The following PADI3 variants were observed in gnomAD, a reference collection of about 807,000 sequenced individuals.
PADI3 encodes peptidyl arginine deiminase 3, also known as protein-arginine deiminase type-3.
PADI3 carries 53 observed loss-of-function variants against 71.5 expected under a neutral mutation model. That is an observed-to-expected ratio of 0.74 (90% CI 0.59 to 0.93). The LOEUF (loss-of-function observed/expected upper bound fraction) is 0.93. Ranked by LOEUF, PADI3 falls within the 40% of genes least tolerant of loss-of-function variation. The probability of loss-of-function intolerance (pLI) is 0.00; values close to 1 mark genes in which losing one functional copy is unlikely to be tolerated. For synonymous variants in PADI3, 361 were observed against 347.5 expected (o/e 1.04, Z -0.43); for missense variants, 821 against 868.0 (o/e 0.95, Z 0.68).
intron 1 of PADI3, among the ~76,000 whole-genome samples, chr1:17,257,284 G>C (rs992007331): frequency 1.3e-5 from 2 of 152,188 alleles, no homozygotes; most frequent in Admixed American, 1.3e-4. Flanking sequence ...TTCCCCTGTG[G>C]GGGGCTGCCC....
intron 2 of PADI3, 87 bp downstream of exon 2, chr1:17,259,845 A>C: frequency 8.3e-7 from 1 of 1,201,086 alleles, no homozygotes; most frequent in Non-Finnish European, 1.2e-6. Context: ...CTTTCTCCAG[A>C]GCGCAGGGCA....
intron 1 of PADI3, among the ~76,000 whole-genome samples, chr1:17,256,243 T>C (rs1292194877): frequency 6.6e-6 from 1 of 152,214 alleles, no homozygotes; most frequent in African/African-American, 2.4e-5. Flanking sequence ...CTGTCTATTA[T>C]CACACTTGAG....
chr1:17,265,545 G>T (rs2073156518), intron 3 of PADI3, 114 bp from the exon 4 acceptor site: 2 of 896,424 alleles, frequency 2.2e-6, no homozygotes, highest in East Asian at 2.4e-5. Context: ...CTCTTGGATG[G>T]TGTCTCCTTA....
intron 3 of PADI3, among the ~76,000 whole-genome samples, chr1:17,264,459 A>T (rs1051981784): frequency 6.6e-6 from 1 of 151,982 alleles, no homozygotes; most frequent in African/African-American, 2.4e-5. Context: ...GTCCCCCTCA[A>T]TGTCCGTCTC....
At chr1:17,274,958 C>T (rs2073307942) in intron 11 of PADI3, among the ~76,000 whole-genome samples, 172 bp downstream of exon 11, 2 of 152,112 alleles carry the variant, frequency 1.3e-5, no homozygotes, top group Non-Finnish European at 2.9e-5. Context: ...ACACAGTCCA[C>T]ACTTACCTCG....
At chr1:17,272,251 G>A (rs1038269014) in intron 9 of PADI3, among the ~76,000 whole-genome samples, 5 of 152,124 alleles carry the variant, frequency 3.3e-5, no homozygotes, top group Admixed American at 3.3e-4. Context: ...TGGGAGGCAG[G>A]AGAGAGAACC....
At chr1:17,281,596 G>A (rs918435795) in intron 15 of PADI3, among the ~76,000 whole-genome samples, 7 of 152,172 alleles carry the variant, frequency 4.6e-5, no homozygotes, top group South Asian at 2.1e-4. Flanking sequence ...GGGATTGCAG[G>A]CGTGCACCAC....
At chr1:17,280,580 C>A in intron 14 of PADI3, 91 bp from the exon 15 acceptor site, 2 of 1,583,806 alleles carry the variant, frequency 1.3e-6, no homozygotes, top group East Asian at 2.2e-5. Context: ...CTCTTTTGAC[C>A]CAGAAGAAGT....
chr1:17,276,507 C>T lies in PADI3; in HGVS notation c.1308-12C>T, dbSNP rs372325515. The stretch of plus-strand genomic sequence containing the variant: ...AGTTAAGCAACTTTTTTTTTAACCT[C>T]GTGGGTCCCAGGTCAAGTGGCCGCA... On this transcript the variant is annotated splice_polypyrimidine_tract_variant and intron_variant, in intron 11 of 15. Transcript: ENST00000375460. 4.2e-5 allele frequency: 68 copies of T among 1,612,890 alleles called. No homozygotes were observed. The highest frequency in any genetic ancestry group is 3.4e-5 in the Non-Finnish European group (40 of 1,179,732).
intron 1 of PADI3, among the ~76,000 whole-genome samples, chr1:17,251,869 G>A (rs1257975636): frequency 6.6e-6 from 1 of 152,192 alleles, no homozygotes; most frequent in Non-Finnish European, 1.5e-5. Flanking sequence ...GGATGTCTGG[G>A]GAACAGTCTC....
chr1:17,252,786 C>T (rs2072982286), intron 1 of PADI3, among the ~76,000 whole-genome samples: 1 of 152,204 alleles, frequency 6.6e-6, no homozygotes, highest in South Asian at 2.1e-4. Context: ...CTGTCATTGG[C>T]CCAGTGGTAA....
intron 9 of PADI3, 117 bp downstream of exon 9, chr1:17,271,295 T>A: frequency 1.2e-6 from 1 of 825,448 alleles, no homozygotes; most frequent in Non-Finnish European, 1.9e-6. Flanking sequence ...GGGAACTTGC[T>A]GCCGTTTCTA....
At chr1:17,280,620 C>T (rs774041961) in intron 14 of PADI3, 51 bp from the exon 15 acceptor site, 2 of 1,612,796 alleles carry the variant, frequency 1.2e-6, no homozygotes, top group Non-Finnish European at 1.7e-6. Context: ...CTTGGTGCCC[C>T]CAAAACACAC....
At chr1:17,280,938 C>T in intron 15 of PADI3, 142 bp downstream of exon 15, 2 of 1,071,602 alleles carry the variant, frequency 1.9e-6, no homozygotes, top group South Asian at 1.5e-5. Context: ...TCCTATGGTG[C>T]TCCTCAGAAG....
chr1:17,260,774 G>A (rs763258684), intron 2 of PADI3, among the ~76,000 whole-genome samples: 4 of 152,182 alleles, frequency 2.6e-5, no homozygotes, highest in African/African-American at 9.6e-5. Context: ...ATGATCTAGC[G>A]AGCGGCAGAG....
intron 7 of PADI3, 131 bp from the exon 8 acceptor site, chr1:17,270,748 C>A: frequency 1.4e-6 from 1 of 698,788 alleles, no homozygotes; most frequent in South Asian, 1.8e-5. Context: ...TTCTTGACCA[C>A]CCCTCTGGTT....
At position 17,283,436 on chromosome 1, in the gene PADI3, C is replaced by T. The variant is rs2073426802; in HGVS notation, c.*357C>T. On this transcript the variant is annotated 3_prime_UTR_variant, in exon 16 of 16. Coordinates refer to ENST00000375460, the MANE Select transcript of PADI3 (RefSeq NM_016233.2). ...AACATCCACGTATCTCATCAGCCAT[C>T]TTGTCCTGTGCATCCTAACAGAGGA... The T allele has an allele frequency of 4.4e-6, 1 of 227,250 alleles. No individual in the cohort carries two copies. Among genetic ancestry groups the T allele is most frequent in the Admixed American group, 5.2e-5 (1 of 19,262 alleles). The allele number at this position is 227,250 out of a possible 1,614,324, so 14.1% of individuals were successfully genotyped here.
intron 1 of PADI3, among the ~76,000 whole-genome samples, chr1:17,255,082 A>C (rs2073011826): frequency 6.6e-6 from 1 of 152,224 alleles, no homozygotes; most frequent in South Asian, 2.1e-4. Flanking sequence ...AGCAAATATC[A>C]GAATGGCTTA....
At chr1:17,268,107 C>T in intron 6 of PADI3, 145 bp downstream of exon 6, 1 of 885,186 alleles carries the variant, frequency 1.1e-6, no homozygotes, top group South Asian at 1.6e-5. Context: ...GCAGTAAGAA[C>T]AGTCAGAAGT....
Sources: gnomAD v4.1 joint callset for allele counts (sites outside exome capture counted in the v4.1 genomes callset) on GRCh38, gnomAD v4.1.1 for gene constraint, MANE v1.5 for transcripts, NCBI Gene and HGNC (gene_info 2026-07-23, HGNC 2026-07-21) for gene names.